The following EML1 variants were observed in gnomAD, a reference collection of about 807,000 sequenced individuals.
EML1 encodes echinoderm microtubule-associated protein-like 1.
A neutral mutation model predicts 110.4 loss-of-function variants in EML1; 27 were observed. The ratio of observed to expected loss-of-function variants is 0.24; its 90% CI spans 0.18 to 0.34. The LOEUF (loss-of-function observed/expected upper bound fraction) is 0.34. Ranked by LOEUF, EML1 falls within the 10% of genes least tolerant of loss-of-function variation. The pLI, the probability that EML1 is intolerant of heterozygous loss-of-function variation, is 1.00. For missense variants in EML1, 741 were observed against 1,030.9 expected, an observed-to-expected ratio of 0.72 and a Z score of 3.85; for synonymous variants, 344 against 385.8, an observed-to-expected ratio of 0.89 and a Z score of 1.27.
At chr14:99,818,984 C>T (rs560253815) in intron 1 of EML1, among the ~76,000 whole-genome samples, 4 of 152,188 alleles carry the variant, frequency 2.6e-5, no homozygotes, top group South Asian at 4.2e-4. Flanking sequence ...GACAGGGTCT[C>T]GCTCTGTCAC....
At chr14:99,764,578 G>C (rs1015221892) in intron 1 of EML1, among the ~76,000 whole-genome samples, 7 of 152,252 alleles carry the variant, frequency 4.6e-5, no homozygotes, top group African/African-American at 1.7e-4. Flanking sequence ...GTCTAGTGGA[G>C]CATGCAGGTT....
chr14:99,912,031 G>A lies in EML1; in HGVS notation c.1494+455G>A, dbSNP rs182967924. On this transcript the variant is annotated intron_variant, in intron 13 of 21. Transcript: ENST00000262233. ...CCACCTCAGCCTCCCAAGTAGCTGC[G>A]ACTTTAGACACACACCACCACACCT... Among the ~76,000 whole-genome samples, 37 of 150,742 alleles carry A rather than the reference G, an allele frequency of 2.5e-4. 1 individual carries two copies. Among genetic ancestry groups the A allele is most frequent in the Admixed American group, 1.7e-3 (25 of 15,118 alleles).
In EML1 at chr14:99,897,266, T is replaced by A; in HGVS notation, c.799T>A (p.Tyr267Asn). The A allele has an allele frequency of 6.2e-7, 1 of 1,611,814 alleles. No individual in the cohort carries two copies. Among genetic ancestry groups the A allele is most frequent in the Non-Finnish European group, 8.5e-7 (1 of 1,179,106 alleles). ...YNVEEQLQRH[Y>N]AGHNDDVKCL... ...CGTGGAGGAGCAACTGCAGAGGCAT[T>A]ACGCTGGCCACAACGATGACGTGAA... The change falls in exon 7 of 22, where the codon TAC (tyrosine) becomes AAC (asparagine). Residue 267 changes from tyrosine to asparagine, a missense_variant. By Grantham distance (143) the Tyr-to-Asn change is moderately radical (BLOSUM62 -2). This residue lies in a region of EML1 where 388 missense variants were observed against 605.6 expected (regional missense o/e 0.64). Transcript: ENST00000262233.
chr14:99,755,230 G>A (rs2057234818), intron 1 of EML1, among the ~76,000 whole-genome samples: 1 of 152,242 alleles, frequency 6.6e-6, no homozygotes, highest in Non-Finnish European at 1.5e-5. Flanking sequence ...GGTGACAGGA[G>A]CTGAAGGAGA....
intron 1 of EML1, among the ~76,000 whole-genome samples, chr14:99,832,334 C>A (rs2058471216): frequency 6.6e-6 from 1 of 152,080 alleles, no homozygotes. Context: ...ACAAATAAAG[C>A]TGCTTTTAAC....
intron 1 of EML1, among the ~76,000 whole-genome samples, chr14:99,744,735 G>A (rs565631493): frequency 8.2e-4 from 125 of 152,268 alleles, no homozygotes; most frequent in African/African-American, 2.5e-3. Context: ...TTTAAAGCAC[G>A]AAAATAAATT....
At chr14:99,821,031 T>C (rs1367625920) in intron 1 of EML1, among the ~76,000 whole-genome samples, 9 of 151,414 alleles carry the variant, frequency 5.9e-5, no homozygotes, top group South Asian at 4.2e-4. Flanking sequence ...TACTTTTTTT[T>C]TTTTTTTTTT....
intron 17 of EML1, among the ~76,000 whole-genome samples, chr14:99,926,457 G>C (rs1167263422): frequency 6.6e-6 from 1 of 151,584 alleles, no homozygotes; most frequent in Non-Finnish European, 1.5e-5. Context: ...GCTAATTTTT[G>C]TATTTTTAGT....
Position 99,767,757 on chromosome 14 carries a change from T to C in EML1, c.28+29897T>C, listed in dbSNP as rs985513262. On this transcript the variant is annotated intron_variant, in intron 1 of 10. Coordinates refer to the EML1 transcript ENST00000554479. ...CCCCTTATTTCAGGCCAAGGTGCTG[T>C]TGCAGGTGGCTTTGTCTTGCATTAC... is the stretch of plus-strand genomic sequence containing the variant. Among the ~76,000 whole-genome samples the C allele has an allele frequency of 4.6e-5, 7 of 152,302 alleles. No individual in the cohort carries two copies. The East Asian group carries it at 1.2e-3, about 25-fold the overall frequency.
chr14:99,868,412 A>G (rs912747607), intron 3 of EML1, among the ~76,000 whole-genome samples: 1 of 152,134 alleles, frequency 6.6e-6, no homozygotes, highest in Non-Finnish European at 1.5e-5. Flanking sequence ...TAAATGTTTG[A>G]TAGAATTCTC....
At chr14:99,768,234 C>T (rs1416065407), upstream of EML1, among the ~76,000 whole-genome samples, 1 of 152,204 alleles carries the variant, frequency 6.6e-6, no homozygotes, top group Non-Finnish European at 1.5e-5. Flanking sequence ...CCAGCCATTA[C>T]AATGCCACGT....
chr14:99,823,726 G>C (rs559456569), intron 1 of EML1, among the ~76,000 whole-genome samples: 1 of 152,106 alleles, frequency 6.6e-6, no homozygotes, highest in South Asian at 2.1e-4. Flanking sequence ...CAAGCAAGCA[G>C]ATAAGTGAAC....
chr14:99,750,110 C>A (rs2057158586), intron 1 of EML1, among the ~76,000 whole-genome samples: 1 of 152,206 alleles, frequency 6.6e-6, no homozygotes, highest in Non-Finnish European at 1.5e-5. Flanking sequence ...GAGCCTGGAG[C>A]CAGGCGGGAG....
chr14:99,745,499 GAGATA>G (rs2140164985), intron 1 of EML1, among the ~76,000 whole-genome samples: 1 of 152,360 alleles, frequency 6.6e-6, no homozygotes, highest in South Asian at 2.1e-4. Context: ...TGCTTTGTAT[GAGATA>G]AGATCTGGTT....
At chr14:99,908,442 G>A (rs1331435244) in intron 10 of EML1, among the ~76,000 whole-genome samples, 1 of 152,130 alleles carries the variant, frequency 6.6e-6, no homozygotes. Flanking sequence ...AACTTTCTCT[G>A]CTGCATGTCT....
chr14:99,783,149 C>T (rs8021724), intron 1 of EML1, among the ~76,000 whole-genome samples: 13,675 of 116,316 alleles, frequency 0.12, 1,425 homozygotes, highest in African/African-American at 0.28. Flanking sequence ...CCCCTCCCCC[C>T]ACCCACAACA....
At chr14:99,866,485 G>T (rs1032071196) in intron 3 of EML1, among the ~76,000 whole-genome samples, 2 of 145,602 alleles carry the variant, frequency 1.4e-5, no homozygotes, top group Admixed American at 1.4e-4. Flanking sequence ...CAGGAGAATC[G>T]CTTGAACCTG....
At chr14:99,937,701 C>T (rs1369807621) in intron 19 of EML1, 116 bp from the exon 20 acceptor site, 10 of 824,418 alleles carry the variant, frequency 1.2e-5, no homozygotes, top group South Asian at 8.3e-5. Flanking sequence ...AGTGGAAGGT[C>T]TCCCTCTCCA....
At chr14:99,747,967 AC>A (rs2057131779) in intron 1 of EML1, among the ~76,000 whole-genome samples, 1 of 152,190 alleles carries the variant, frequency 6.6e-6, no homozygotes, top group Non-Finnish European at 1.5e-5. Context: ...ATGACCGAAA[AC>A]CAGGGATGAG....
Sources: gnomAD v4.1 joint callset for allele counts (sites outside exome capture counted in the v4.1 genomes callset) on GRCh38, gnomAD v4.1.1 for gene constraint, gnomAD v4.1.1 regional missense constraint, MANE v1.5 for transcripts, NCBI Gene and HGNC (gene_info 2026-07-23, HGNC 2026-07-21) for gene names.